Variants in ATP5F1B observed in about 807,000 individuals in gnomAD.
The protein encoded by ATP5F1B is ATP synthase F(1) complex subunit beta, mitochondrial.
In ATP5F1B, 17 loss-of-function variants were observed where a neutral mutation model predicts 45.9. The observed-to-expected ratio is 0.37, with a 90% CI of 0.25 to 0.56. The LOEUF is 0.56. Ranked by LOEUF, ATP5F1B falls within the 20% of genes least tolerant of loss-of-function variation. The pLI is 0.80. For synonymous variants in ATP5F1B, 218 were observed against 256.5 expected (o/e 0.85, Z 1.43); for missense variants, 387 against 673.2 (o/e 0.57, Z 4.70).
At position 56,643,913 on chromosome 12, in the gene ATP5F1B, A is replaced by C; in HGVS notation, c.531T>G (p.Ser177Arg). 1 of 1,614,122 alleles carries C rather than the reference A, an allele frequency of 6.2e-7. No individual in the cohort carries two copies. Among genetic ancestry groups the C allele is most frequent in the Non-Finnish European group, 8.5e-7 (1 of 1,180,010 alleles). Residue 177 changes from serine to arginine, a missense_variant, in exon 4 of 10, where the codon AGT becomes AGG. Physicochemically the swap from Ser to Arg is moderately radical, Grantham distance 110. Transcript: ENST00000262030. ...CAGTCACCAGAATTTCCTGCTCAAC[A>C]CTCATTTCCATGAACTCTGGAGCCT... is the stretch of plus-strand genomic sequence containing the variant. ...HAEAPEFMEMSVEQEILVTGI... is the reference protein window; with the variant it reads ...HAEAPEFMEMRVEQEILVTGI...
At chr12:56,645,006 A>C (rs769037454) in intron 2 of ATP5F1B, 51 bp from the exon 3 acceptor site, 4 of 1,613,542 alleles carry the variant, frequency 2.5e-6, no homozygotes, top group Non-Finnish European at 3.4e-6. Flanking sequence ...ATTGGTATCA[A>C]GACCTAAATC....
chr12:56,639,275 G>A lies in ATP5F1B; in HGVS notation c.1320C>T (p.Ile440=). Residue 440 remains isoleucine (I), a synonymous_variant, in exon 9 of 10, where the codon ATC becomes ATT. Coordinates refer to ENST00000262030, the MANE Select transcript of ATP5F1B (RefSeq NM_001686.4). ...DYKSLQDIIA[I]LGMDELSEED... ...CCTCAGAAAGTTCATCCATACCCAG[G>A]ATGGCAATGATATCCTGGAGGGATT... 2 of 1,613,886 alleles carry A rather than the reference G, an allele frequency of 1.2e-6. No homozygotes were observed. Among genetic ancestry groups the A allele is most frequent in the Non-Finnish European group, 1.7e-6 (2 of 1,180,010 alleles).
chr12:56,642,594 A>C lies in ATP5F1B; in HGVS notation c.952-14T>G. 1 of 1,614,066 alleles carries C rather than the reference A, an allele frequency of 6.2e-7. No individual in the cohort carries two copies. Among genetic ancestry groups the C allele is most frequent in the Middle Eastern group, 1.6e-4 (1 of 6,062 alleles). On this transcript the variant is annotated splice_polypyrimidine_tract_variant and intron_variant, in intron 6 of 9. Transcript: ENST00000262030. ...TAATGCAGACACCTAAAAGAAAAAA[A>C]GGTCTTAGGTGTCTACATCCTTAGC...
chr12:56,644,595 A>G (rs937597052), intron 3 of ATP5F1B, among the ~76,000 whole-genome samples, 186 bp downstream of exon 3: 3 of 152,116 alleles, frequency 2.0e-5, no homozygotes, highest in African/African-American at 7.2e-5. Context: ...AAAAACCTCA[A>G]GTAGTAGGCT....
In ATP5F1B at chr12:56,642,422, T is replaced by C. The variant is rs368222309; in HGVS notation, c.1074+36A>G. The C allele has an allele frequency of 1.2e-5, 19 of 1,611,984 alleles. No individual in the cohort carries two copies. The African/African-American group carries it at 2.4e-4, about 20-fold the overall frequency. ...GATGCACCACTGCACCCTGCCTTTATACAAATCAGATCTTCATCTATGTAA... is the reference window on the plus strand; with the variant it reads ...GATGCACCACTGCACCCTGCCTTTACACAAATCAGATCTTCATCTATGTAA... On this transcript the variant is annotated intron_variant, in intron 7 of 9. Transcript: ENST00000262030.
chr12:56,638,922 G>A (rs1282602197), intron 9 of ATP5F1B, among the ~76,000 whole-genome samples, 184 bp downstream of exon 9: 2 of 152,166 alleles, frequency 1.3e-5, no homozygotes, highest in Non-Finnish European at 2.9e-5. Flanking sequence ...AAGGGAGCTA[G>A]AGAATCAAGT....
At position 56,645,875 on chromosome 12, in the gene ATP5F1B, T is replaced by C; in HGVS notation, c.89A>G (p.Gln30Arg). ...LTPSASLPPA[Q>R]LLLRAAPTAV... is the part of the protein sequence containing the mutation. ...CGTCGGAGCGGCCCGCAGTAAGAGCTGAGCTGGGGGCAGCGACGCTGAAGG... is the reference window on the plus strand; with the variant it reads ...CGTCGGAGCGGCCCGCAGTAAGAGCCGAGCTGGGGGCAGCGACGCTGAAGG... Residue 30 changes from glutamine to arginine, a missense_variant, in exon 1 of 10, where the codon CAG (glutamine) becomes CGG (arginine). By Grantham distance (43) the Gln-to-Arg change is conservative (BLOSUM62 1). Coordinates refer to ENST00000262030, the MANE Select transcript of ATP5F1B (RefSeq NM_001686.4). The C allele has an allele frequency of 6.2e-7, 1 of 1,609,342 alleles. No individual in the cohort carries two copies. The highest frequency in any genetic ancestry group is 8.5e-7 in the Non-Finnish European group (1 of 1,178,126).
chr12:56,645,403 T>A (rs570668709), intron 1 of ATP5F1B, 50 bp from the exon 2 acceptor site: 1 of 1,560,506 alleles, frequency 6.4e-7, no homozygotes, highest in Admixed American at 1.9e-5. Flanking sequence ...CAGTTAAAGG[T>A]CATCGGAAGC....
intron 1 of ATP5F1B, 113 bp downstream of exon 1, chr12:56,645,724 T>G (rs1210669938): frequency 6.5e-7 from 1 of 1,528,340 alleles, no homozygotes; most frequent in East Asian, 2.4e-5. Context: ...AAGACGCGGC[T>G]CCAGGCATCC....
intron 8 of ATP5F1B, 63 bp downstream of exon 8, chr12:56,639,917 A>G (rs1951499323): frequency 1.3e-6 from 2 of 1,543,670 alleles, no homozygotes; most frequent in Admixed American, 3.4e-5. Context: ...CAGTCCTCAT[A>G]TAGTCCCCAC....
At chr12:56,643,990 T>C in intron 3 of ATP5F1B, 32 bp from the exon 4 acceptor site, 2 of 1,607,626 alleles carry the variant, frequency 1.2e-6, no homozygotes, top group South Asian at 1.1e-5. Flanking sequence ...TAGTATCTAT[T>C]CACCTTGTTG....
chr12:56,642,901 A>G, intron 5 of ATP5F1B, 70 bp from the exon 6 acceptor site: 1 of 1,532,392 alleles, frequency 6.5e-7, no homozygotes, highest in Non-Finnish European at 8.9e-7. Flanking sequence ...AGGTTCCCAA[A>G]TCGGAGAAAC....
intron 7 of ATP5F1B, among the ~76,000 whole-genome samples, chr12:56,641,092 C>G (rs1214101191): frequency 6.6e-6 from 1 of 151,682 alleles, no homozygotes; most frequent in Non-Finnish European, 1.5e-5. Context: ...AGGCTGGGCA[C>G]AGTGGCTCAA....
intron 5 of ATP5F1B, 165 bp downstream of exon 5, chr12:56,643,238 A>G (rs1347416828): frequency 1.8e-6 from 1 of 565,044 alleles, no homozygotes; most frequent in African/African-American, 1.9e-5. Flanking sequence ...TTGGGGGGGA[A>G]AACACTAACA....
At chr12:56,638,633 C>T (rs778316108) in intron 9 of ATP5F1B, among the ~76,000 whole-genome samples, 1 of 152,188 alleles carries the variant, frequency 6.6e-6, no homozygotes, top group Non-Finnish European at 1.5e-5. Context: ...CGGTGGCTTA[C>T]ACCTGTAATC....
At position 56,645,822 on chromosome 12, in the gene ATP5F1B, G is replaced by C. The variant is rs961983207; in HGVS notation, c.127+15C>G. 1 of 1,606,886 alleles carries C rather than the reference G, an allele frequency of 6.2e-7. No homozygotes were observed. Among genetic ancestry groups the C allele is most frequent in the Non-Finnish European group, 8.5e-7 (1 of 1,176,796 alleles). ...CGGCAAAATGGAACGTTAGCTCCTA[G>C]AGAAAAGCACTTACCAGGATGGACC... On this transcript the variant is annotated intron_variant, in intron 1 of 9. Coordinates refer to ENST00000262030, the MANE Select transcript of ATP5F1B (RefSeq NM_001686.4).
intron 7 of ATP5F1B, among the ~76,000 whole-genome samples, chr12:56,642,141 G>C (rs1001121129): frequency 6.6e-6 from 1 of 151,068 alleles, no homozygotes; most frequent in Non-Finnish European, 1.5e-5. Context: ...GATTACAGGC[G>C]CCTGCCACAA....
In ATP5F1B at chr12:56,639,830, AAG is replaced by A. The variant is rs545428507; in HGVS notation, c.1287+148_1287+149del. 251 of 720,648 alleles carry A rather than the reference AAG, an allele frequency of 3.5e-4. No individual in the cohort carries two copies. The African/African-American group carries it at 4.0e-3, about 12-fold the overall frequency. 44.6% of individuals were successfully genotyped at this position (720,648 alleles called of 1,614,324 possible). A position where few individuals can be genotyped will look rare whatever the true frequency, so the allele number is the denominator to read the frequency against. On this transcript the variant is annotated intron_variant, in intron 8 of 9. Transcript: ENST00000262030. ...CAAAGCGTTAAGTACCTGGAAACTC[AAG>A]AGACCTCATTAGCTCTCACTAGCAA...
intron 8 of ATP5F1B, 156 bp downstream of exon 8, chr12:56,639,824 A>C (rs1401987947): frequency 4.4e-6 from 3 of 684,050 alleles, no homozygotes; most frequent in African/African-American, 1.8e-5. Context: ...AAGTACCTGG[A>C]AACTCAAGAG....
Sources: allele counts gnomAD v4.1 joint callset (sites outside exome capture counted in the v4.1 genomes callset), GRCh38; gene constraint gnomAD v4.1.1; transcripts MANE v1.5; gene names NCBI Gene and HGNC (gene_info 2026-07-23, HGNC 2026-07-21).